PDGFRL: variants seen among roughly 807,000 people sequenced by gnomAD.
PDGFRL encodes the protein platelet-derived growth factor receptor-like protein.
In PDGFRL, 46 loss-of-function variants were observed where a neutral mutation model predicts 37.2. The ratio of observed to expected loss-of-function variants is 1.24; its 90% confidence interval spans 0.98 to 1.58. The LOEUF is 1.58. Among genes scored for constraint, PDGFRL ranks in the 40% most tolerant of loss-of-function variants. The pLI, the probability that PDGFRL is intolerant of heterozygous loss-of-function variation, is 0.00. For missense variants in PDGFRL, 692 were observed against 467.6 expected (o/e 1.48, Z -4.43); for synonymous variants, 251 against 184.3 (o/e 1.36, Z -2.93).
rs541415930 is a variant in PDGFRL at position 17,641,537 on chromosome 8, T to C, written c.940-1076T>C. 5.3e-5 allele frequency among the ~76,000 whole-genome samples: 8 copies of C among 152,354 alleles called. No homozygotes were observed. The South Asian group carries it at 1.4e-3, about 28-fold the overall frequency. Reference sequence around the variant, plus strand: ...TATACAAGCTGTGCCCATGGCAAGCTGCTGTGAGCAGACATCCACCAAGTG... The same window carrying C: ...TATACAAGCTGTGCCCATGGCAAGCCGCTGTGAGCAGACATCCACCAAGTG... On this transcript the variant is annotated intron_variant, in intron 5 of 5. Coordinates refer to ENST00000251630, the MANE Select transcript of PDGFRL (RefSeq NM_001372073.1).
chr8:17,576,741 C>T (rs777714123), upstream of PDGFRL: 21 of 972,154 alleles, frequency 2.2e-5, no homozygotes, highest in Non-Finnish European at 2.6e-5. Flanking sequence ...CAGCAAGAAC[C>T]CGGGGCAACG....
intron 1 of PDGFRL, among the ~76,000 whole-genome samples, chr8:17,587,090 A>G (rs914117849): frequency 1.3e-5 from 2 of 152,218 alleles, no homozygotes; most frequent in Non-Finnish European, 2.9e-5. Flanking sequence ...CTCAATTCCA[A>G]TACCGTCTGG....
At chr8:17,629,226 G>A (rs1055968659) in intron 4 of PDGFRL, among the ~76,000 whole-genome samples, 5 of 151,568 alleles carry the variant, frequency 3.3e-5, no homozygotes, top group African/African-American at 7.3e-5. Flanking sequence ...CACCATGCTC[G>A]GCCCACTTAT....
chr8:17,602,844 C>T (rs1413771542), intron 2 of PDGFRL, among the ~76,000 whole-genome samples: 2 of 152,178 alleles, frequency 1.3e-5, no homozygotes, highest in African/African-American at 2.4e-5. Context: ...AGAAACATTC[C>T]AAATGAGAAC....
intron 1 of PDGFRL, among the ~76,000 whole-genome samples, chr8:17,583,213 CAGAG>C (rs1019212781): frequency 2.6e-5 from 4 of 152,166 alleles, no homozygotes; most frequent in Non-Finnish European, 5.9e-5. Context: ...AGAACTAACA[CAGAG>C]AGTCCCTACC....
chr8:17,583,213 C>G (rs1463898452), intron 1 of PDGFRL, among the ~76,000 whole-genome samples: 2 of 152,166 alleles, frequency 1.3e-5, no homozygotes, highest in Non-Finnish European at 2.9e-5. Context: ...AGAACTAACA[C>G]AGAGAGTCCC....
At chr8:17,580,958 C>CGT (rs59628100) in intron 1 of PDGFRL, among the ~76,000 whole-genome samples, 19,764 of 148,572 alleles carry the variant, frequency 0.13, 1,380 homozygotes, top group East Asian at 0.21. Context: ...CATTTTCATA[C>CGT]GTGTGTGTGT....
chr8:17,577,248 C>A lies in PDGFRL; in HGVS notation c.-5C>A. On this transcript the variant is annotated 5_prime_UTR_variant, in exon 1 of 6. Coordinates refer to ENST00000251630, the MANE Select transcript of PDGFRL (RefSeq NM_001372073.1). ...TCCTGCGCTCCGAGGTCCGAGGTTC[C>A]CGAGATGAAGGTCTGGCTGCTGCTT... is the stretch of plus-strand genomic sequence containing the variant. The A allele has an allele frequency of 6.2e-7, 1 of 1,612,580 alleles. No homozygotes were observed. The highest frequency in any genetic ancestry group is 8.5e-7 in the Non-Finnish European group (1 of 1,179,476).
intron 4 of PDGFRL, among the ~76,000 whole-genome samples, chr8:17,631,632 C>T (rs1333040653): frequency 6.6e-6 from 1 of 152,192 alleles, no homozygotes; most frequent in African/African-American, 2.4e-5. Context: ...CACTCCTTTG[C>T]CCACTCCCAT....
intron 2 of PDGFRL, among the ~76,000 whole-genome samples, chr8:17,616,537 T>C (rs1000553400): frequency 5.3e-5 from 8 of 152,198 alleles, no homozygotes; most frequent in Admixed American, 2.6e-4. Flanking sequence ...TTCAGCCAAC[T>C]TGTCGTCCAG....
At chr8:17,592,378 C>T (rs1444540915) in intron 2 of PDGFRL, among the ~76,000 whole-genome samples, 3 of 152,154 alleles carry the variant, frequency 2.0e-5, no homozygotes, top group African/African-American at 7.2e-5. Context: ...ACTGCGGTGA[C>T]CACACCTGGG....
At chr8:17,576,671 A>AC, upstream of PDGFRL, 1 of 978,092 alleles carries the variant, frequency 1.0e-6, no homozygotes, top group Non-Finnish European at 1.2e-6. Flanking sequence ...CCGTCCTCCC[A>AC]CCCCCACCAG....
At chr8:17,594,460 T>G (rs867764099) in intron 2 of PDGFRL, among the ~76,000 whole-genome samples, 2 of 152,098 alleles carry the variant, frequency 1.3e-5, no homozygotes, top group Non-Finnish European at 2.9e-5. Context: ...AGGCTGGTCT[T>G]GAATTCCTGA....
chr8:17,641,695 C>A (rs1009730757), intron 5 of PDGFRL, among the ~76,000 whole-genome samples: 3 of 152,164 alleles, frequency 2.0e-5, no homozygotes, highest in African/African-American at 4.8e-5. Flanking sequence ...GCTCCCAGCA[C>A]GGAATAATCC....
chr8:17,627,714 G>A (rs1312841518), intron 3 of PDGFRL, among the ~76,000 whole-genome samples: 1 of 151,610 alleles, frequency 6.6e-6, no homozygotes, highest in East Asian at 1.9e-4. Context: ...GAGCTCAGGA[G>A]ATCCACCCGC....
At chr8:17,641,211 G>A (rs994215558) in intron 5 of PDGFRL, among the ~76,000 whole-genome samples, 2 of 152,210 alleles carry the variant, frequency 1.3e-5, no homozygotes, top group African/African-American at 4.8e-5. Flanking sequence ...GGATAAGAAA[G>A]CAAACAGGGT....
chr8:17,589,684 C>A lies in PDGFRL; in HGVS notation c.272C>A (p.Thr91Asn). ...AATLSLLAGQTVELRCKGSRI... is the reference protein window; with the variant it reads ...AATLSLLAGQNVELRCKGSRI... ...ACCCTGAGTCTGCTGGCGGGGCAAA[C>A]TGTAGAGCTTCGATGTAAAGGGAGT... The change falls in exon 2 of 6, where the codon ACT becomes AAT. Residue 91 changes from threonine (T) to asparagine (N), a missense_variant. Transcript: ENST00000251630. 6.2e-7 allele frequency: 1 copy of A among 1,613,508 alleles called. No individual in the cohort carries two copies. The highest frequency in any genetic ancestry group is 1.3e-5 in the African/African-American group (1 of 75,002).
chr8:17,631,374 G>A (rs139235108), intron 4 of PDGFRL, among the ~76,000 whole-genome samples: 2,950 of 152,168 alleles, frequency 0.019, 51 homozygotes, highest in Middle Eastern at 0.031. Context: ...CCACCCTGTC[G>A]GGGGGATCAG....
chr8:17,582,432 G>T lies in PDGFRL; in HGVS notation c.55+5125G>T, dbSNP rs988242336. 4.5e-4 allele frequency among the ~76,000 whole-genome samples: 69 copies of T among 152,024 alleles called. 1 individual carries two copies. The highest frequency in any genetic ancestry group is 1.6e-3 in the African/African-American group (65 of 41,452). ...CCCTGTCTCTATTACAATACAAGAA[G>T]TTAGCCTGATGTCGTGGTGCGCACC... On this transcript the variant is annotated intron_variant, in intron 1 of 5. Transcript: ENST00000251630.
Sources: gnomAD v4.1 joint callset for allele counts (sites outside exome capture counted in the v4.1 genomes callset) on GRCh38, gnomAD v4.1.1 for gene constraint, MANE v1.5 for transcripts, NCBI Gene and HGNC (gene_info 2026-07-23, HGNC 2026-07-21) for gene names.